Variants in SGCZ observed in about 807,000 individuals in gnomAD.
SGCZ encodes zeta-sarcoglycan.
SGCZ carries 40 observed loss-of-function variants against 41.3 expected under a neutral mutation model. The ratio of observed to expected loss-of-function variants is 0.97; its 90% CI spans 0.75 to 1.26. SGCZ has a LOEUF of 1.26. Ranked by LOEUF, SGCZ falls within the 50% of genes most tolerant of loss-of-function variation. The pLI is 0.00. For synonymous variants in SGCZ, 206 were observed against 137.5 expected, an observed-to-expected ratio of 1.50 and a Z score of -3.49; for missense variants, 552 against 369.8, an observed-to-expected ratio of 1.49 and a Z score of -4.04.
At chr8:14,369,457 T>A (rs1179801988) in intron 2 of SGCZ, among the ~76,000 whole-genome samples, 1 of 152,028 alleles carries the variant, frequency 6.6e-6, no homozygotes, top group Non-Finnish European at 1.5e-5. Flanking sequence ...TCCCAGTGCA[T>A]CATAGCTAGA....
rs371676485 is a variant in SGCZ at position 14,304,480 on chromosome 8, G to C, written c.336+19623C>G. On this transcript the variant is annotated intron_variant, in intron 3 of 7. Coordinates refer to ENST00000382080, the MANE Select transcript of SGCZ (RefSeq NM_139167.4). ...ATGGTGGCACATGCCTGTGGACCCA[G>C]GTACTTAGGAGGCTGAGGTTGGAGG... Among the ~76,000 whole-genome samples the C allele has an allele frequency of 1.0e-3, 152 of 152,104 alleles. 2 individuals are homozygous for C. Among genetic ancestry groups the C allele is most frequent in the Admixed American group, 2.3e-3 (35 of 15,262 alleles).
chr8:14,392,280 C>A (rs1206915939), intron 2 of SGCZ, among the ~76,000 whole-genome samples: 1 of 152,086 alleles, frequency 6.6e-6, no homozygotes. Flanking sequence ...GAAATTTTTT[C>A]TCATATTGTA....
At chr8:14,832,973 AT>A (rs1273945595) in intron 1 of SGCZ, among the ~76,000 whole-genome samples, 1 of 152,090 alleles carries the variant, frequency 6.6e-6, no homozygotes, top group Non-Finnish European at 1.5e-5. Flanking sequence ...ATTTCTATAT[AT>A]TTTTAATAGT....
chr8:15,102,945 C>T (rs1002392145), intron 1 of SGCZ, among the ~76,000 whole-genome samples: 2 of 152,082 alleles, frequency 1.3e-5, no homozygotes, highest in East Asian at 3.9e-4. Flanking sequence ...ATATTCCTTA[C>T]ACTAAGGAAT....
At chr8:14,760,773 A>T (rs566202703) in intron 1 of SGCZ, among the ~76,000 whole-genome samples, 1 of 152,298 alleles carries the variant, frequency 6.6e-6, no homozygotes, top group Non-Finnish European at 1.5e-5. Context: ...AATTATCTCT[A>T]ATGTTGCAAT....
intron 1 of SGCZ, among the ~76,000 whole-genome samples, chr8:14,958,754 A>G (rs1234065820): frequency 1.3e-5 from 2 of 152,114 alleles, no homozygotes; most frequent in African/African-American, 4.8e-5. Flanking sequence ...ATTGAACTCT[A>G]TGATGTTGCA....
intron 5 of SGCZ, among the ~76,000 whole-genome samples, chr8:14,126,793 A>G (rs1022694964): frequency 5.9e-5 from 9 of 152,204 alleles, no homozygotes; most frequent in Non-Finnish European, 1.0e-4. Context: ...ACCACGGAAT[A>G]CTATGCAGCC....
chr8:14,378,386 A>G (rs1479687485), intron 2 of SGCZ, among the ~76,000 whole-genome samples: 1 of 152,330 alleles, frequency 6.6e-6, no homozygotes, highest in East Asian at 1.9e-4. Context: ...CTTCATGTCT[A>G]AAACACCAAA....
In SGCZ at chr8:14,088,800, G is replaced by A. The variant is rs1314387134; in HGVS notation, c.*1643C>T. 6.6e-6 allele frequency among the ~76,000 whole-genome samples: 1 copy of A among 151,700 alleles called. No individual in the cohort carries two copies. The highest frequency in any genetic ancestry group is 1.5e-5 in the Non-Finnish European group (1 of 67,852). The stretch of plus-strand genomic sequence containing the variant: ...GGTCAAATATTTCACTTTTCTTCTT[G>A]CATTGCCAATATTTCTACTTTCACT... On this transcript the variant is annotated 3_prime_UTR_variant, in exon 8 of 8. Coordinates refer to ENST00000382080, the MANE Select transcript of SGCZ (RefSeq NM_139167.4).
At chr8:14,808,361 C>T (rs199755840) in intron 1 of SGCZ, among the ~76,000 whole-genome samples, 71 of 152,186 alleles carry the variant, frequency 4.7e-4, no homozygotes, top group African/African-American at 1.5e-3. Flanking sequence ...CCAGAATCTA[C>T]GATGAACTCA....
rs373017996 is a variant in SGCZ at position 14,270,069 on chromosome 8, C to T, written c.337-32390G>A. Among the ~76,000 whole-genome samples the T allele has an allele frequency of 1.8e-4, 28 of 152,176 alleles. No individual in the cohort carries two copies. In the East Asian group the frequency reaches 2.1e-3, roughly 12 times the overall value. On this transcript the variant is annotated intron_variant, in intron 3 of 7. Transcript: ENST00000382080. ...AATCAAGTCCAGGTGTGGTGGTTCA[C>T]GCCTATAATCCCGGCACTTTGGGAG...
At chr8:14,251,099 G>A (rs766795709) in intron 3 of SGCZ, among the ~76,000 whole-genome samples, 2 of 152,054 alleles carry the variant, frequency 1.3e-5, no homozygotes, top group South Asian at 2.1e-4. Context: ...GCAGTGGTAC[G>A]CACCTTTAAT....
rs1799527750 is a variant in SGCZ, at chr8:14,417,555, C to A, written c.235-93351G>T. Among the ~76,000 whole-genome samples the A allele has an allele frequency of 7.2e-5, 11 of 151,744 alleles. 1 individual carries two copies. The Admixed American group carries it at 7.3e-4, about 10-fold the overall frequency. On this transcript the variant is annotated intron_variant, in intron 2 of 7. Coordinates refer to ENST00000382080, the MANE Select transcript of SGCZ (RefSeq NM_139167.4). ...CCATGAACTGTAATCATTATTTCCC[C>A]CCCTTAATTTCGTTTCTTACATTCT...
chr8:14,926,601 T>C (rs1280047318), intron 1 of SGCZ, among the ~76,000 whole-genome samples: 1 of 148,682 alleles, frequency 6.7e-6, no homozygotes, highest in African/African-American at 2.5e-5. Flanking sequence ...GCAAACTCAG[T>C]AGACAGTTTT....
chr8:15,193,999 G>A (rs956642968), intron 1 of SGCZ, among the ~76,000 whole-genome samples: 10 of 152,060 alleles, frequency 6.6e-5, no homozygotes, highest in African/African-American at 2.4e-4. Flanking sequence ...TCTATAACTA[G>A]CCAGTGTAAC....
intron 1 of SGCZ, among the ~76,000 whole-genome samples, chr8:15,009,032 G>T (rs991941623): frequency 2.0e-5 from 3 of 152,006 alleles, no homozygotes; most frequent in African/African-American, 4.8e-5. Context: ...CTATACAATT[G>T]TCCCTCCTGT....
chr8:14,497,598 G>A (rs1321895817), intron 2 of SGCZ, among the ~76,000 whole-genome samples: 1 of 152,012 alleles, frequency 6.6e-6, no homozygotes, highest in Non-Finnish European at 1.5e-5. Flanking sequence ...GTGTGTGAGA[G>A]AGAGAGAGAG....
At chr8:14,625,396 G>A (rs758182805) in intron 1 of SGCZ, among the ~76,000 whole-genome samples, 5 of 151,976 alleles carry the variant, frequency 3.3e-5, no homozygotes, top group African/African-American at 9.7e-5. Context: ...GTATTCTCAC[G>A]TAACTTATGA....
At chr8:14,173,169 GTT>G (rs35802498) in intron 4 of SGCZ, among the ~76,000 whole-genome samples, 2 of 149,922 alleles carry the variant, frequency 1.3e-5, no homozygotes, top group African/African-American at 2.5e-5. Context: ...TGCTTTGAGA[GTT>G]TTTTTTTTAA....
Sources: allele counts gnomAD v4.1 joint callset (sites outside exome capture counted in the v4.1 genomes callset), GRCh38; gene constraint gnomAD v4.1.1; transcripts MANE v1.5; gene names NCBI Gene and HGNC (gene_info 2026-07-23, HGNC 2026-07-21).